FRMPD4: variants seen among roughly 807,000 people sequenced by gnomAD.
FRMPD4 encodes the protein FERM and PDZ domain-containing protein 4.
FRMPD4 carries 22 observed loss-of-function variants against 94.1 expected under a neutral mutation model. The ratio of observed to expected loss-of-function variants is 0.23; its 90% CI spans 0.17 to 0.33. FRMPD4 has a LOEUF of 0.33. Among genes scored for constraint, FRMPD4 ranks in the 10% least tolerant of loss-of-function variants. The pLI is 1.00. For synonymous variants in FRMPD4, 631 were observed against 548.6 expected (o/e 1.15, Z -2.10); for missense variants, 1,111 against 1,339.9 (o/e 0.83, Z 2.67).
At chrX:11,941,390 A>G (rs1055833945) in intron 3 of FRMPD4, among the ~76,000 whole-genome samples, 1 of 111,501 alleles carries the variant, frequency 9.0e-6, no homozygotes, top group Non-Finnish European at 1.9e-5. Context: ...ATGTTTACCT[A>G]TAGGTCATTC....
intron 3 of FRMPD4, among the ~76,000 whole-genome samples, chrX:11,981,914 C>T (rs2054399650): frequency 9.0e-6 from 1 of 111,545 alleles, no homozygotes; most frequent in African/African-American, 3.3e-5. Flanking sequence ...TCTTTCACTC[C>T]ACTCATCCCT....
intron 3 of FRMPD4, among the ~76,000 whole-genome samples, chrX:11,902,172 CA>C (rs1277048593): frequency 8.9e-6 from 1 of 112,744 alleles, no homozygotes; most frequent in Non-Finnish European, 1.9e-5. Context: ...CTTTTTTCAT[CA>C]AATTGTAAGC....
intron 3 of FRMPD4, among the ~76,000 whole-genome samples, chrX:11,981,840 T>G (rs995946685): frequency 3.0e-4 from 34 of 111,837 alleles, no homozygotes; most frequent in Non-Finnish European, 5.7e-4. Context: ...TGTTTTACCA[T>G]GTAAATGTTA....
At chrX:12,566,061 G>A (rs2058708977) in intron 2 of FRMPD4, among the ~76,000 whole-genome samples, 1 of 111,292 alleles carries the variant, frequency 9.0e-6, no homozygotes, top group African/African-American at 3.3e-5. Context: ...TAAATATAGG[G>A]GACATGAAAA....
chrX:12,683,625 G>C (rs778530857), intron 6 of FRMPD4, 38 bp downstream of exon 6: 8 of 691,108 alleles, frequency 1.2e-5, no homozygotes, highest in Non-Finnish European at 1.8e-5. Context: ...CTCAGGGAGA[G>C]TCAATGAGGC....
intron 3 of FRMPD4, among the ~76,000 whole-genome samples, chrX:12,006,258 A>C (rs1299473808): frequency 8.9e-6 from 1 of 112,573 alleles, no homozygotes; most frequent in Admixed American, 9.4e-5. Flanking sequence ...CTTATTATAA[A>C]TTCTTATGAT....
intron 1 of FRMPD4, among the ~76,000 whole-genome samples, chrX:12,427,768 C>T (rs756598339): frequency 1.8e-5 from 2 of 111,211 alleles, no homozygotes; most frequent in East Asian, 5.6e-4. Flanking sequence ...AACTCTCATA[C>T]CTTATTTATT....
At chrX:12,557,112 A>C (rs1429692859) in intron 2 of FRMPD4, among the ~76,000 whole-genome samples, 2 of 112,207 alleles carry the variant, frequency 1.8e-5, no homozygotes, top group Admixed American at 9.4e-5. Flanking sequence ...GCCAGGGCAT[A>C]TAAGTTTATT....
chrX:12,392,922 G>A (rs757934597), intron 1 of FRMPD4, among the ~76,000 whole-genome samples: 3 of 110,005 alleles, frequency 2.7e-5, no homozygotes, highest in East Asian at 2.9e-4. Context: ...AGCCAAGATC[G>A]CGCCACTGCA....
chrX:12,003,241 T>C (rs1335198446), intron 3 of FRMPD4, among the ~76,000 whole-genome samples: 1 of 112,157 alleles, frequency 8.9e-6, no homozygotes, highest in African/African-American at 3.2e-5. Context: ...AGTTGCTTTA[T>C]ATTTTTTAAA....
At chrX:12,470,298 CT>C (rs2057495768) in intron 1 of FRMPD4, among the ~76,000 whole-genome samples, 1 of 111,965 alleles carries the variant, frequency 8.9e-6, no homozygotes, top group African/African-American at 3.2e-5. Context: ...TCTGTACTAG[CT>C]TTCCCCCCAC....
chrX:12,651,200 C>T (rs111341536), intron 4 of FRMPD4, among the ~76,000 whole-genome samples: 377 of 112,283 alleles, frequency 3.4e-3, no homozygotes, highest in African/African-American at 0.011. Context: ...CCACATCCTA[C>T]GTAGCTGCAT....
intron 3 of FRMPD4, among the ~76,000 whole-genome samples, chrX:11,905,197 C>T (rs1324836065): frequency 2.7e-5 from 3 of 111,897 alleles, no homozygotes; most frequent in Non-Finnish European, 5.6e-5. Flanking sequence ...CTTTATTGCC[C>T]GACAAAAGAA....
At chrX:11,879,053 C>T (rs1379553473) in intron 3 of FRMPD4, among the ~76,000 whole-genome samples, 2 of 112,115 alleles carry the variant, frequency 1.8e-5, no homozygotes, top group African/African-American at 3.2e-5. Flanking sequence ...TTGTCTACAA[C>T]ACTTTTGAGA....
chrX:12,339,640 G>A (rs192782086), intron 1 of FRMPD4, among the ~76,000 whole-genome samples: 29 of 102,562 alleles, frequency 2.8e-4, no homozygotes, highest in African/African-American at 1.1e-3. Flanking sequence ...TTTTTGAGAT[G>A]GAATCTCCCT....
Position 12,418,478 on chromosome X carries a change from C to T in FRMPD4, c.42-80202C>T, listed in dbSNP as rs780424716. 2.8e-5 allele frequency among the ~76,000 whole-genome samples: 3 copies of T among 107,695 alleles called. No homozygotes were observed. The East Asian group carries it at 8.7e-4, about 31-fold the overall frequency. The allele number at this position is 107,695 out of a possible 115,157, so 93.5% of individuals were successfully genotyped here. A position where few individuals can be genotyped will look rare whatever the true frequency, so the allele number is the denominator to read the frequency against. ...GGTTCAAGCAGTTCTCCTGCCTCAG[C>T]CTCCTGAGTAGCTGGGATTACAGGC... On this transcript the variant is annotated intron_variant, in intron 1 of 16. Coordinates refer to ENST00000675598, the MANE Select transcript of FRMPD4 (RefSeq NM_001368397.1).
intron 2 of FRMPD4, among the ~76,000 whole-genome samples, chrX:12,605,474 C>T (rs2059123180): frequency 9.0e-6 from 1 of 111,553 alleles, no homozygotes; most frequent in African/African-American, 3.3e-5. Flanking sequence ...ATGTAATGGC[C>T]CCTGAAATGC....
chrX:12,035,132 A>G (rs1449668812), intron 3 of FRMPD4, among the ~76,000 whole-genome samples: 3 of 112,181 alleles, frequency 2.7e-5, no homozygotes, highest in African/African-American at 9.7e-5. Flanking sequence ...TTTTTTTAAT[A>G]AATAGATTTT....
chrX:12,599,169 C>G (rs958521104), intron 2 of FRMPD4, among the ~76,000 whole-genome samples: 3 of 111,262 alleles, frequency 2.7e-5, no homozygotes, highest in African/African-American at 9.8e-5. Context: ...TCCTCCTCAA[C>G]TACTGCCCTA....
Sources: allele counts gnomAD v4.1 joint callset (sites outside exome capture counted in the v4.1 genomes callset), GRCh38; gene constraint gnomAD v4.1.1; transcripts MANE v1.5; gene names NCBI Gene and HGNC (gene_info 2026-07-23, HGNC 2026-07-21).